The following MCEE variants were observed in gnomAD, a reference collection of about 807,000 sequenced individuals.
MCEE encodes the protein methylmalonyl-CoA epimerase, mitochondrial.
Under a neutral mutation model 12.9 loss-of-function variants are expected in MCEE, and 6 were observed. The observed-to-expected ratio is 0.47, with a 90% CI of 0.26 to 0.92. The LOEUF (loss-of-function observed/expected upper bound fraction) is 0.92, where lower values mean the gene tolerates loss of function less well. MCEE is among the 40% of genes least tolerant of loss of function. MCEE has a pLI of 0.16. For missense variants in MCEE, 214 were observed against 212.1 expected, an observed-to-expected ratio of 1.01 and a Z score of -0.05; for synonymous variants, 78 against 77.9, an observed-to-expected ratio of 1.00 and a Z score of -0.01.
At chr2:71,124,797 A>AT (rs1673183502) in intron 1 of MCEE, among the ~76,000 whole-genome samples, 1 of 152,140 alleles carries the variant, frequency 6.6e-6, no homozygotes, top group Non-Finnish European at 1.5e-5. Context: ...ACAGGATAAC[A>AT]TTTTTTCATA....
At chr2:71,116,687 C>T (rs1673003155) in intron 2 of MCEE, 1 of 149,974 alleles carries the variant, frequency 6.7e-6, no homozygotes, top group South Asian at 2.1e-4. Context: ...ACTGGGATTA[C>T]AGGCGCGTGC....
intron 2 of MCEE, among the ~76,000 whole-genome samples, chr2:71,111,898 A>G (rs541551546): frequency 3.2e-4 from 49 of 152,152 alleles, no homozygotes; most frequent in Non-Finnish European, 5.9e-4. Flanking sequence ...CTGATGTCCA[A>G]TGCCAGAAAT....
chr2:71,116,058 A>AC (rs1672986154), intron 2 of MCEE, among the ~76,000 whole-genome samples: 1 of 150,038 alleles, frequency 6.7e-6, no homozygotes. Flanking sequence ...GACTTTGCAT[A>AC]CCACTAGTGA....
intron 1 of MCEE, among the ~76,000 whole-genome samples, chr2:71,128,858 C>G (rs192153817): frequency 6.6e-6 from 1 of 150,844 alleles, no homozygotes; most frequent in South Asian, 2.1e-4. Flanking sequence ...GGCGTGGTGC[C>G]GGGTGCCTGT....
chr2:71,112,186 G>A (rs1484165221), intron 2 of MCEE, among the ~76,000 whole-genome samples: 1 of 152,164 alleles, frequency 6.6e-6, no homozygotes, highest in African/African-American at 2.4e-5. Flanking sequence ...ACCCAGGCTG[G>A]AGTGTAGTAG....
intron 2 of MCEE, among the ~76,000 whole-genome samples, chr2:71,115,767 G>A (rs1672978067): frequency 7.5e-6 from 1 of 133,080 alleles, no homozygotes. Context: ...GTTGAAGAAT[G>A]AGAACACATG....
chr2:71,114,595 A>ATATAGTTG (rs1672955008), intron 2 of MCEE, among the ~76,000 whole-genome samples: 5 of 152,230 alleles, frequency 3.3e-5, no homozygotes, highest in Admixed American at 2.6e-4. Context: ...GATTAGAGCA[A>ATATAGTTG]ATCAACTATA....
chr2:71,119,478 A>G (rs1673058657), intron 2 of MCEE, among the ~76,000 whole-genome samples: 1 of 150,656 alleles, frequency 6.6e-6, no homozygotes, highest in Non-Finnish European at 1.5e-5. Context: ...TGGCTAAACT[A>G]GTAAGGTATG....
intron 2 of MCEE, among the ~76,000 whole-genome samples, chr2:71,120,456 A>G (rs1000524042): frequency 6.6e-6 from 1 of 150,392 alleles, no homozygotes; most frequent in African/African-American, 2.5e-5. Context: ...GCCCTCTAAA[A>G]TTCCTCTAGT....
At chr2:71,125,188 A>AATATATATATATATAT (rs67615436) in intron 1 of MCEE, among the ~76,000 whole-genome samples, 101 of 65,524 alleles carry the variant, frequency 1.5e-3, no homozygotes, top group Non-Finnish European at 2.7e-3. Flanking sequence ...TATATATATA[A>AATATATATATATATAT]ATATATATAT....
chr2:71,118,455 G>A (rs898844177), intron 2 of MCEE: 6 of 150,282 alleles, frequency 4.0e-5, no homozygotes, highest in East Asian at 1.9e-4. Context: ...CAGTCCATTC[G>A]GGCTGTTAGA....
intron 2 of MCEE, among the ~76,000 whole-genome samples, chr2:71,114,994 T>G (rs1000769256): frequency 3.9e-5 from 6 of 152,324 alleles, no homozygotes; most frequent in African/African-American, 1.4e-4. Context: ...TTATGGAACA[T>G]TCTATCCAAG....
At chr2:71,116,090 C>CT (rs999289055) in intron 2 of MCEE, among the ~76,000 whole-genome samples, 5 of 149,664 alleles carry the variant, frequency 3.3e-5, no homozygotes, top group African/African-American at 1.3e-4. Flanking sequence ...ATTTACTTTT[C>CT]TTTTTTTTGA....
chr2:71,114,806 GA>G (rs1205971717), intron 2 of MCEE, among the ~76,000 whole-genome samples: 8 of 151,914 alleles, frequency 5.3e-5, no homozygotes, highest in African/African-American at 7.3e-5. Context: ...AAGGAAAAAA[GA>G]AAAAAAGATG....
At chr2:71,125,211 A>ATATATATATATATATATTTTT in intron 1 of MCEE, among the ~76,000 whole-genome samples, 1 of 48,588 alleles carries the variant, frequency 2.1e-5, no homozygotes, top group Non-Finnish European at 4.4e-5. Flanking sequence ...ATATATATAT[A>ATATATATATATATATATTTTT]TTTTTTTTTT....
chr2:71,112,469 TCTGTCACCTA>T (rs1672907922), intron 2 of MCEE, among the ~76,000 whole-genome samples: 1 of 108,560 alleles, frequency 9.2e-6, no homozygotes, highest in Non-Finnish European at 1.7e-5. Context: ...AGAGTCTCAC[TCTGTCACCTA>T]GGCTGGAGTG....
intron 2 of MCEE, among the ~76,000 whole-genome samples, chr2:71,118,185 C>T (rs114795469): frequency 6.0e-5 from 9 of 150,138 alleles, no homozygotes; most frequent in Non-Finnish European, 1.2e-4. Context: ...TCAGGCCCTG[C>T]TCCCATACCA....
chr2:71,121,017 A>C (rs1035855038), intron 2 of MCEE, among the ~76,000 whole-genome samples: 3 of 152,204 alleles, frequency 2.0e-5, no homozygotes, highest in African/African-American at 7.2e-5. Flanking sequence ...AATAAGCATG[A>C]GCCACCATGC....
intron 2 of MCEE, among the ~76,000 whole-genome samples, chr2:71,121,220 T>C (rs967387444): frequency 2.6e-5 from 4 of 152,098 alleles, no homozygotes; most frequent in African/African-American, 7.2e-5. Context: ...CTTGGGCCAA[T>C]GGGATAAGGA....
Sources: allele counts gnomAD v4.1 joint callset (sites outside exome capture counted in the v4.1 genomes callset), GRCh38; gene constraint gnomAD v4.1.1; transcripts MANE v1.5; gene names NCBI Gene and HGNC (gene_info 2026-07-23, HGNC 2026-07-21).